MASP1: variants seen among roughly 807,000 people sequenced by gnomAD.
MASP1 encodes the protein MBL associated serine protease 1.
In MASP1, 59 loss-of-function variants were observed where a neutral mutation model predicts 77.1. That is an observed-to-expected ratio of 0.77 (90% confidence interval 0.62 to 0.95). The LOEUF is 0.95. MASP1 is among the 40% of genes least tolerant of loss of function. The pLI is 0.00. For missense variants in MASP1, 885 were observed against 912.9 expected (o/e 0.97, Z 0.39); for synonymous variants, 362 against 354.5 (o/e 1.02, Z -0.24).
chr3:187,276,310 G>T (rs943209651), intron 2 of MASP1, among the ~76,000 whole-genome samples: 2 of 152,144 alleles, frequency 1.3e-5, no homozygotes, highest in African/African-American at 4.8e-5. Flanking sequence ...AGTGTTTATT[G>T]TCTGTTTATC....
intron 11 of MASP1, among the ~76,000 whole-genome samples, chr3:187,228,425 G>A (rs1031794556): frequency 3.9e-5 from 6 of 151,946 alleles, no homozygotes; most frequent in African/African-American, 9.7e-5. Context: ...CTCTGCCCTC[G>A]CTGGCAGCTC....
intron 2 of MASP1, among the ~76,000 whole-genome samples, chr3:187,264,427 A>G (rs557704763): frequency 3.9e-4 from 59 of 152,264 alleles, no homozygotes; most frequent in Non-Finnish European, 5.4e-4. Flanking sequence ...CCAGATAGCC[A>G]AAGCTTTACC....
At chr3:187,248,637 A>T (rs1288688943) in intron 8 of MASP1, among the ~76,000 whole-genome samples, 3 of 151,840 alleles carry the variant, frequency 2.0e-5, no homozygotes, top group African/African-American at 7.3e-5. Flanking sequence ...CGAGCCTCAG[A>T]TTGGAGGAGG....
At chr3:187,223,325 G>T in intron 13 of MASP1, 1 of 796,448 alleles carries the variant, frequency 1.3e-6, no homozygotes, top group Non-Finnish European at 2.2e-6. Context: ...AAGGTGGTGT[G>T]GTGGGGAGGA....
intron 2 of MASP1, among the ~76,000 whole-genome samples, chr3:187,283,960 C>T (rs1463937336): frequency 6.6e-6 from 1 of 152,124 alleles, no homozygotes; most frequent in South Asian, 2.1e-4. Context: ...GCGTAACTGG[C>T]CTTTTTGTCA....
intron 2 of MASP1, among the ~76,000 whole-genome samples, chr3:187,269,065 A>T (rs1222520389): frequency 2.8e-4 from 9 of 31,654 alleles, no homozygotes; most frequent in African/African-American, 7.4e-4. Context: ...ACACTGTCTC[A>T]AAAAAAAAAA....
At chr3:187,238,806 G>A (rs190198751) in intron 10 of MASP1, among the ~76,000 whole-genome samples, 58 of 152,270 alleles carry the variant, frequency 3.8e-4, no homozygotes, top group African/African-American at 1.3e-3. Flanking sequence ...AAATAAAAGG[G>A]CAAGTAATAT....
At chr3:187,290,343 T>C (rs1718209192) in intron 1 of MASP1, among the ~76,000 whole-genome samples, 1 of 152,170 alleles carries the variant, frequency 6.6e-6, no homozygotes, top group South Asian at 2.1e-4. Flanking sequence ...GGTTGAGGGA[T>C]GAGCATATGC....
At chr3:187,224,635 C>T (rs1332798689) in intron 13 of MASP1, among the ~76,000 whole-genome samples, 7 of 152,138 alleles carry the variant, frequency 4.6e-5, no homozygotes, top group Admixed American at 2.6e-4. Context: ...CGTGAGCCAC[C>T]GCGCCCGGCC....
chr3:187,278,387 CA>C (rs34599788), intron 2 of MASP1, among the ~76,000 whole-genome samples: 14,359 of 152,208 alleles, frequency 0.094, 737 homozygotes, highest in South Asian at 0.11. Context: ...CAACTGATGA[CA>C]AAACCATTGC....
chr3:187,227,136 G>A (rs962978200), intron 11 of MASP1, among the ~76,000 whole-genome samples: 3 of 152,222 alleles, frequency 2.0e-5, no homozygotes, highest in Non-Finnish European at 4.4e-5. Flanking sequence ...TATGTCATGG[G>A]GGTGGAGCCC....
At chr3:187,247,445 A>G (rs1384968480) in intron 8 of MASP1, 2 of 1,587,624 alleles carry the variant, frequency 1.3e-6, no homozygotes, top group Non-Finnish European at 1.7e-6. Flanking sequence ...AAGCAGAGAG[A>G]GGAAGAGAAA....
At chr3:187,240,817 G>A (rs1190250588) in intron 10 of MASP1, among the ~76,000 whole-genome samples, 1 of 151,954 alleles carries the variant, frequency 6.6e-6, no homozygotes, top group African/African-American at 2.4e-5. Context: ...TCTATTTTTA[G>A]TATAGATGGG....
intron 12 of MASP1, chr3:187,225,527 A>C (rs1170387580): frequency 1.9e-6 from 3 of 1,613,656 alleles, no homozygotes; most frequent in Non-Finnish European, 2.5e-6. Flanking sequence ...AGAAGAAGAC[A>C]TGTGAGGCAT....
intron 2 of MASP1, among the ~76,000 whole-genome samples, chr3:187,269,060 G>A (rs1716301349): frequency 8.5e-6 from 1 of 117,232 alleles, no homozygotes; most frequent in African/African-American, 3.1e-5. Context: ...GCAAGACACT[G>A]TCTCAAAAAA....
At position 187,236,378 on chromosome 3, in the gene MASP1, A is replaced by C. The variant is rs1560239256; in HGVS notation, c.1493T>G (p.Val498Gly). 5.0e-6 allele frequency: 8 copies of C among 1,614,232 alleles called. No individual in the cohort carries two copies. Among genetic ancestry groups the C allele is most frequent in the Non-Finnish European group, 6.8e-6 (8 of 1,180,036 alleles). The change falls in exon 11 of 11, where the codon GTG becomes GGG. Residue 498 changes from valine to glycine, a missense_variant. Coordinates refer to ENST00000296280, the MANE Select transcript of MASP1 (RefSeq NM_139125.4). The part of the protein sequence containing the change: ...SASWILTAAH[V>G]LRSQRRDTTV... ...GGTGTCTCTACGCTGGGAGCGCAGC[A>C]CATGAGCTGCTGTGAGGATCCAGGA...
At chr3:187,225,980 A>G (rs1272325114) in intron 12 of MASP1, among the ~76,000 whole-genome samples, 1 of 152,250 alleles carries the variant, frequency 6.6e-6, no homozygotes, top group African/African-American at 2.4e-5. Flanking sequence ...GTGGGCAGAA[A>G]CTAGGTCTTA....
chr3:187,235,982 C>T lies in MASP1; in HGVS notation c.1889G>A (p.Cys630Tyr), dbSNP rs769013123. 3.1e-6 allele frequency: 5 copies of T among 1,614,260 alleles called. No individual in the cohort carries two copies. In the Admixed American group the frequency reaches 6.7e-5, roughly 22 times the overall value. ...CGAGCGGGACTCATAGCTAGTTTTGCACTCAGCGTGAGGCACCACGGGTAA... is the reference window on the plus strand; with the variant it reads ...CGAGCGGGACTCATAGCTAGTTTTGTACTCAGCGTGAGGCACCACGGGTAA... ...VKLPVVPHAECKTSYESRSGN... is the reference protein window; with the variant it reads ...VKLPVVPHAEYKTSYESRSGN... Residue 630 changes from cysteine to tyrosine, a missense_variant, in exon 11 of 11, where the codon TGC (cysteine) becomes TAC (tyrosine). Cys to Tyr is a radical substitution (Grantham distance 194, BLOSUM62 -2). Coordinates refer to ENST00000296280, the MANE Select transcript of MASP1 (RefSeq NM_139125.4).
At chr3:187,237,600 G>A (rs1328409858) in intron 10 of MASP1, among the ~76,000 whole-genome samples, 2 of 152,236 alleles carry the variant, frequency 1.3e-5, no homozygotes, top group African/African-American at 2.4e-5. Flanking sequence ...AGCAAACTTC[G>A]TTCCACTGAG....
Sources: gnomAD v4.1 joint callset for allele counts (sites outside exome capture counted in the v4.1 genomes callset) on GRCh38, gnomAD v4.1.1 for gene constraint, MANE v1.5 for transcripts, NCBI Gene and HGNC (gene_info 2026-07-23, HGNC 2026-07-21) for gene names.